Variants in VMP1 observed in about 807,000 individuals in gnomAD.
The protein encoded by VMP1 is vacuole membrane protein 1.
VMP1 carries 11 observed loss-of-function variants against 56.0 expected under a neutral mutation model. That is an observed-to-expected ratio of 0.20 (90% CI 0.12 to 0.32). The LOEUF (loss-of-function observed/expected upper bound fraction) is 0.32, where lower values mean the gene tolerates loss of function less well. Ranked by LOEUF, VMP1 falls within the 10% of genes least tolerant of loss-of-function variation. VMP1 has a pLI of 1.00. For synonymous variants in VMP1, 149 were observed against 165.0 expected, an observed-to-expected ratio of 0.90 and a Z score of 0.74; for missense variants, 296 against 490.3, an observed-to-expected ratio of 0.60 and a Z score of 3.74.
intron 7 of VMP1, among the ~76,000 whole-genome samples, chr17:59,787,776 G>A (rs1407676617): frequency 6.6e-6 from 1 of 152,016 alleles, no homozygotes; most frequent in African/African-American, 2.4e-5. Flanking sequence ...AGCCGAGATC[G>A]TGCCACTACA....
Position 59,735,343 on chromosome 17 carries a change from T to C in VMP1, c.82T>C (p.Ser28Pro), listed in dbSNP as rs758857830. 5 of 1,614,062 alleles carry C rather than the reference T, an allele frequency of 3.1e-6. No individual in the cohort carries two copies. The highest frequency in any genetic ancestry group is 4.2e-6 in the Non-Finnish European group (5 of 1,179,964). The change falls in exon 3 of 12, where the codon TCT becomes CCT. Residue 28 changes from serine (S) to proline (P), a missense_variant. This residue lies in a region of VMP1 where 69 missense variants were observed against 76.6 expected (regional missense o/e 0.90). Transcript: ENST00000262291. ...EHHNGNFTDP[S>P]SVNEKKRRER... ...TCTGCACTATTGTTTTTCAGACCCC[T>C]CTTCAGTGAATGAAAAGAAGAGGAG... is the stretch of plus-strand genomic sequence containing the variant.
intron 7 of VMP1, among the ~76,000 whole-genome samples, chr17:59,800,993 T>TTGC (rs1174973244): frequency 4.0e-5 from 6 of 151,122 alleles, no homozygotes; most frequent in South Asian, 2.1e-4. Flanking sequence ...GGCAGGAGAA[T>TTGC]TGCTTGAATC....
chr17:59,719,067 A>G (rs2034287149), intron 1 of VMP1, among the ~76,000 whole-genome samples: 1 of 152,188 alleles, frequency 6.6e-6, no homozygotes, highest in African/African-American at 2.4e-5. Flanking sequence ...GTGGAAAACT[A>G]TATCAAAGCC....
At chr17:59,790,847 T>C (rs2037199349) in intron 7 of VMP1, among the ~76,000 whole-genome samples, 1 of 152,222 alleles carries the variant, frequency 6.6e-6, no homozygotes, top group Non-Finnish European at 1.5e-5. Context: ...GTAAAATTTG[T>C]CAAATACTTC....
intron 10 of VMP1, among the ~76,000 whole-genome samples, chr17:59,819,546 C>A (rs113157445): frequency 1.3e-5 from 2 of 152,060 alleles, no homozygotes; most frequent in African/African-American, 2.4e-5. Flanking sequence ...CTCCGCCTCC[C>A]AGGTTAAAGC....
chr17:59,733,553 C>A (rs1036580705), intron 2 of VMP1, among the ~76,000 whole-genome samples: 3 of 151,540 alleles, frequency 2.0e-5, no homozygotes, highest in African/African-American at 7.3e-5. Flanking sequence ...CAAAAAAAAA[C>A]TAGCCGGGCG....
At chr17:59,714,291 T>C (rs2034062540) in intron 1 of VMP1, among the ~76,000 whole-genome samples, 2 of 152,044 alleles carry the variant, frequency 1.3e-5, no homozygotes, top group Admixed American at 1.3e-4. Context: ...TTTTCTCTGC[T>C]TATAAAGCAA....
At chr17:59,772,244 G>A (rs1417143289) in intron 6 of VMP1, among the ~76,000 whole-genome samples, 1 of 151,748 alleles carries the variant, frequency 6.6e-6, no homozygotes, top group African/African-American at 2.4e-5. Flanking sequence ...ACCCACCTCG[G>A]CCTCCCAAAG....
At chr17:59,772,020 TC>T in intron 6 of VMP1, among the ~76,000 whole-genome samples, 1 of 152,016 alleles carries the variant, frequency 6.6e-6, no homozygotes, top group African/African-American at 2.4e-5. Context: ...TTCTCTTTTT[TC>T]TTTTTTTTTG....
chr17:59,839,489 G>A (rs746124291), intron 11 of VMP1: 2 of 349,412 alleles, frequency 5.7e-6, no homozygotes, highest in East Asian at 5.5e-5. Context: ...TAATCAAAGA[G>A]TTTATTCTTA....
intron 5 of VMP1, among the ~76,000 whole-genome samples, chr17:59,750,274 T>C (rs1262443719): frequency 1.3e-5 from 2 of 151,922 alleles, no homozygotes; most frequent in Non-Finnish European, 2.9e-5. Context: ...TTTACTTAAA[T>C]TTAGACAAAA....
Position 59,841,148 on chromosome 17 carries a change from C to T in VMP1, c.*1237C>T, listed in dbSNP as rs149373146. Reference sequence around the variant, plus strand: ...GAATAGAATTGGGGTTCGATCTTAACAGGCCAGAAATGCCTGGGTTTTTTT... The same window carrying T: ...GAATAGAATTGGGGTTCGATCTTAATAGGCCAGAAATGCCTGGGTTTTTTT... On this transcript the variant is annotated 3_prime_UTR_variant, in exon 12 of 12. Coordinates refer to ENST00000262291, the MANE Select transcript of VMP1 (RefSeq NM_030938.5). 3 of 309,806 alleles carry T rather than the reference C, an allele frequency of 9.7e-6. No individual in the cohort carries two copies. Among genetic ancestry groups the T allele is most frequent in the African/African-American group, 2.1e-5 (1 of 47,278 alleles). The allele number at this position is 309,806 out of a possible 1,614,324, so 19.2% of individuals were successfully genotyped here.
At chr17:59,711,497 G>A (rs550259320) in intron 1 of VMP1, among the ~76,000 whole-genome samples, 9 of 152,242 alleles carry the variant, frequency 5.9e-5, no homozygotes, top group African/African-American at 2.2e-4. Context: ...TTGTTACTCT[G>A]CTTTCACAAA....
At chr17:59,767,434 G>A (rs933335939) in intron 6 of VMP1, among the ~76,000 whole-genome samples, 50 of 152,016 alleles carry the variant, frequency 3.3e-4, no homozygotes, top group Non-Finnish European at 6.6e-4. Flanking sequence ...TATTATACTA[G>A]TTGCATATGC....
At chr17:59,708,375 G>C (rs1003176604) in intron 1 of VMP1, among the ~76,000 whole-genome samples, 1 of 152,092 alleles carries the variant, frequency 6.6e-6, no homozygotes, top group African/African-American at 2.4e-5. Flanking sequence ...TACAGTGGAG[G>C]TATTTGCAGT....
intron 10 of VMP1, among the ~76,000 whole-genome samples, chr17:59,822,298 GT>G (rs770655259): frequency 7.1e-6 from 1 of 141,288 alleles, no homozygotes. Flanking sequence ...GACATGATTG[GT>G]TTTTTTATGT....
intron 5 of VMP1, among the ~76,000 whole-genome samples, chr17:59,743,590 A>G: frequency 6.7e-6 from 1 of 149,470 alleles, no homozygotes; most frequent in Non-Finnish European, 1.5e-5. Flanking sequence ...CTATATATAT[A>G]TATGCTATAT....
intron 7 of VMP1, among the ~76,000 whole-genome samples, chr17:59,808,463 G>T (rs2037925636): frequency 6.6e-6 from 1 of 152,204 alleles, no homozygotes; most frequent in African/African-American, 2.4e-5. Context: ...GGAAAAGGTA[G>T]ATGTTGTAGG....
intron 9 of VMP1, among the ~76,000 whole-genome samples, chr17:59,813,571 C>CAA (rs35095805): frequency 2.3e-3 from 249 of 110,160 alleles, no homozygotes; most frequent in African/African-American, 6.1e-3. Context: ...GAGTTTGTCT[C>CAA]AAAAAAAAAA....
Sources: gnomAD v4.1 joint callset for allele counts (sites outside exome capture counted in the v4.1 genomes callset) on GRCh38, gnomAD v4.1.1 for gene constraint, gnomAD v4.1.1 regional missense constraint, MANE v1.5 for transcripts, NCBI Gene and HGNC (gene_info 2026-07-23, HGNC 2026-07-21) for gene names.